RAD50: variants seen among roughly 807,000 people sequenced by gnomAD.
RAD50 encodes RAD50 double strand break repair protein.
RAD50 carries 132 observed loss-of-function variants against 168.8 expected under a neutral mutation model. That is an observed-to-expected ratio of 0.78 (90% confidence interval 0.68 to 0.90). The LOEUF (loss-of-function observed/expected upper bound fraction) is 0.90, where lower values mean the gene tolerates loss of function less well. RAD50 is among the 40% of genes least tolerant of loss of function. The probability of loss-of-function intolerance (pLI) is 0.00; values close to 1 mark genes in which losing one functional copy is unlikely to be tolerated. For synonymous variants in RAD50, 525 were observed against 497.4 expected (o/e 1.06, Z -0.74); for missense variants, 1,347 against 1,534.4 (o/e 0.88, Z 2.04).
At chr5:132,600,696 C>G (rs1750873023) in intron 13 of RAD50, among the ~76,000 whole-genome samples, 1 of 151,824 alleles carries the variant, frequency 6.6e-6, no homozygotes. Flanking sequence ...TTTTTCAGTA[C>G]CATATCTGTG....
In RAD50 at chr5:132,557,204, C is replaced by G; in HGVS notation, c.-121C>G. 2 of 1,406,844 alleles carry G rather than the reference C, an allele frequency of 1.4e-6. No homozygotes were observed. The highest frequency in any genetic ancestry group is 2.0e-6 in the Non-Finnish European group (2 of 998,074). The allele number at this position is 1,406,844 out of a possible 1,614,324, so 87.1% of individuals were successfully genotyped here. On this transcript the variant is annotated 5_prime_UTR_variant, in exon 1 of 25. Coordinates refer to ENST00000378823, the MANE Select transcript of RAD50 (RefSeq NM_005732.4). ...TTTGGCAGTCCTGTGGCCTCGCTCCCCGCCCGGATCCTCCTGACCCTGAGA... is the reference window on the plus strand; with the variant it reads ...TTTGGCAGTCCTGTGGCCTCGCTCCGCGCCCGGATCCTCCTGACCCTGAGA...
chr5:132,576,205 C>A (rs1022908306), intron 3 of RAD50, among the ~76,000 whole-genome samples: 6 of 152,046 alleles, frequency 3.9e-5, no homozygotes, highest in African/African-American at 1.4e-4. Context: ...AGAATGATCC[C>A]ATGAAAGACT....
intron 3 of RAD50, 123 bp downstream of exon 3, chr5:132,576,051 CT>C (rs1393050459): frequency 9.5e-7 from 1 of 1,053,366 alleles, no homozygotes; most frequent in African/African-American, 1.6e-5. Flanking sequence ...AGACTTTAGA[CT>C]TTATTTTTTT....
intron 20 of RAD50, among the ~76,000 whole-genome samples, chr5:132,616,457 G>C (rs952430128): frequency 5.3e-5 from 8 of 152,160 alleles, no homozygotes; most frequent in African/African-American, 1.9e-4. Context: ...ACCTTGTCTG[G>C]GTCAGAGCTT....
At chr5:132,591,200 G>T (rs767987020) in intron 9 of RAD50, 24 bp from the exon 10 acceptor site, 1 of 1,577,842 alleles carries the variant, frequency 6.3e-7, no homozygotes, top group South Asian at 1.1e-5. Context: ...TAACACCTTT[G>T]CATTTGTATG....
intron 19 of RAD50, among the ~76,000 whole-genome samples, chr5:132,612,690 TG>T (rs1751107666): frequency 1.3e-5 from 2 of 152,020 alleles, no homozygotes; most frequent in South Asian, 4.2e-4. Context: ...TAGCCAGGTG[TG>T]ATGGTGCATA....
intron 21 of RAD50, among the ~76,000 whole-genome samples, chr5:132,633,766 G>A (rs1268428605): frequency 7.9e-5 from 12 of 151,388 alleles, no homozygotes; most frequent in Non-Finnish European, 1.0e-4. Flanking sequence ...TTGTAGAGAT[G>A]GGATCTCACT....
At chr5:132,575,144 C>A (rs1343195014) in intron 2 of RAD50, among the ~76,000 whole-genome samples, 1 of 152,150 alleles carries the variant, frequency 6.6e-6, no homozygotes, top group East Asian at 1.9e-4. Context: ...TAAAGATATA[C>A]CTGAGACTGG....
At chr5:132,565,702 A>G (rs931483326) in intron 2 of RAD50, among the ~76,000 whole-genome samples, 4 of 152,034 alleles carry the variant, frequency 2.6e-5, no homozygotes, top group Non-Finnish European at 4.4e-5. Flanking sequence ...TCTCTACTCT[A>G]TGATCTGACT....
At chr5:132,578,156 G>A (rs2149837160) in intron 3 of RAD50, among the ~76,000 whole-genome samples, 1 of 152,188 alleles carries the variant, frequency 6.6e-6, no homozygotes, top group Admixed American at 6.5e-5. Flanking sequence ...GACAACTTAG[G>A]TTCAACGTTT....
chr5:132,612,801 C>T (rs2149851555), intron 19 of RAD50, among the ~76,000 whole-genome samples: 1 of 152,096 alleles, frequency 6.6e-6, no homozygotes, highest in South Asian at 2.1e-4. Flanking sequence ...GCACTCCAGC[C>T]TGGGCAACAG....
chr5:132,611,766 A>G (rs888770014), intron 19 of RAD50, among the ~76,000 whole-genome samples: 9 of 151,978 alleles, frequency 5.9e-5, no homozygotes, highest in African/African-American at 1.9e-4. Context: ...TGTCAATGCT[A>G]AAAGAAAACC....
At chr5:132,638,321 TGGTG>T in intron 23 of RAD50, 98 bp downstream of exon 23, 1 of 1,402,886 alleles carries the variant, frequency 7.1e-7, no homozygotes, top group Non-Finnish European at 9.9e-7. Context: ...TACACCTGAA[TGGTG>T]GGAAGCTCTT....
intron 13 of RAD50, among the ~76,000 whole-genome samples, chr5:132,599,172 T>C (rs550600589): frequency 1.3e-5 from 2 of 152,178 alleles, no homozygotes; most frequent in Non-Finnish European, 2.9e-5. Context: ...TTTCATGGGA[T>C]GACTGGGCTC....
intron 19 of RAD50, among the ~76,000 whole-genome samples, chr5:132,610,426 A>G (rs1194660402): frequency 1.3e-4 from 20 of 152,208 alleles, no homozygotes; most frequent in Admixed American, 1.2e-3. Flanking sequence ...ATTAATTTCT[A>G]TAGTATAATC....
In RAD50 at chr5:132,557,214, C is replaced by A; in HGVS notation, c.-111C>A. 2.1e-6 allele frequency: 3 copies of A among 1,457,136 alleles called. No homozygotes were observed. The South Asian group carries it at 3.5e-5, about 17-fold the overall frequency. 90.3% of individuals were successfully genotyped at this position (1,457,136 alleles called of 1,614,324 possible). ...CTGTGGCCTCGCTCCCCGCCCGGAT[C>A]CTCCTGACCCTGAGATTCGCGGGTC... On this transcript the variant is annotated 5_prime_UTR_variant, in exon 1 of 25. Coordinates refer to ENST00000378823, the MANE Select transcript of RAD50 (RefSeq NM_005732.4).
At position 132,603,470 on chromosome 5, in the gene RAD50, C is replaced by A; in HGVS notation, c.2378C>A (p.Thr793Lys). The A allele has an allele frequency of 6.2e-7, 1 of 1,613,786 alleles. No individual in the cohort carries two copies. Among genetic ancestry groups the A allele is most frequent in the East Asian group, 2.2e-5 (1 of 44,810 alleles). ...GCCAAAGTATGCCTGACAGATGTTACAATTATGGAGAGGTTCCAGGTAAGT... is the reference window on the plus strand; with the variant it reads ...GCCAAAGTATGCCTGACAGATGTTAAAATTATGGAGAGGTTCCAGGTAAGT... ...ESAKVCLTDV[T>K]IMERFQMELK... Residue 793 changes from threonine to lysine, a missense_variant, in exon 14 of 25, where the codon ACA (threonine) becomes AAA (lysine). Physicochemically the swap from Thr to Lys is moderately conservative, Grantham distance 78. Transcript: ENST00000378823.
intron 19 of RAD50, among the ~76,000 whole-genome samples, chr5:132,612,841 A>G (rs1751110554): frequency 6.6e-6 from 1 of 151,996 alleles, no homozygotes; most frequent in Non-Finnish European, 1.5e-5. Flanking sequence ...AAATATATAT[A>G]TATATATGTC....
chr5:132,562,924 GA>G (rs998430651), intron 2 of RAD50, among the ~76,000 whole-genome samples: 7 of 152,202 alleles, frequency 4.6e-5, no homozygotes, highest in Non-Finnish European at 1.0e-4. Context: ...GAAGACAAGA[GA>G]ATAAAGTGTT....
Sources: allele counts gnomAD v4.1 joint callset (sites outside exome capture counted in the v4.1 genomes callset), GRCh38; gene constraint gnomAD v4.1.1; transcripts MANE v1.5; gene names NCBI Gene and HGNC (gene_info 2026-07-23, HGNC 2026-07-21).